Variants in TBXAS1 observed in about 807,000 individuals in gnomAD.
The protein encoded by TBXAS1 is thromboxane A synthase 1, also known as thromboxane-A synthase.
A neutral mutation model predicts 60.7 loss-of-function variants in TBXAS1; 48 were observed. That is an observed-to-expected ratio of 0.79 (90% CI 0.63 to 1.01). TBXAS1 has a LOEUF of 1.01. Among genes scored for constraint, TBXAS1 ranks in the 50% least tolerant of loss-of-function variants. The probability of loss-of-function intolerance (pLI) is 0.00; values close to 1 mark genes in which losing one functional copy is unlikely to be tolerated. For synonymous variants in TBXAS1, 287 were observed against 269.7 expected (o/e 1.06, Z -0.63); for missense variants, 685 against 686.3 (o/e 1.00, Z 0.02).
At chr7:139,903,402 A>G (rs1804730908) in intron 3 of TBXAS1, among the ~76,000 whole-genome samples, 1 of 152,088 alleles carries the variant, frequency 6.6e-6, no homozygotes, top group Admixed American at 6.5e-5. Context: ...GCTGCTATGA[A>G]CATGCCATGC....
intron 4 of TBXAS1, 72 bp downstream of exon 4, chr7:139,911,393 C>A: frequency 7.5e-7 from 1 of 1,326,036 alleles, no homozygotes; most frequent in Non-Finnish European, 1.1e-6. Context: ...ATGTCAGATC[C>A]AATGGGGATG....
chr7:139,842,922 A>G (rs939639284), intron 1 of TBXAS1, among the ~76,000 whole-genome samples: 1 of 152,210 alleles, frequency 6.6e-6, no homozygotes, highest in East Asian at 1.9e-4. Context: ...ACTGTGTCAG[A>G]GATGATCTGA....
rs774018526 is a variant in TBXAS1 at position 139,961,895 on chromosome 7, C to T, written c.820-24C>T. The T allele has an allele frequency of 2.5e-6, 4 of 1,613,954 alleles. No homozygotes were observed. The East Asian group carries it at 8.9e-5, about 36-fold the overall frequency. ...TTCATGACTGTAAGGTCAAAATGTG[C>T]ATTTTTCTCCTTTTGTTCCTTAGAG... is the stretch of plus-strand genomic sequence containing the variant. On this transcript the variant is annotated intron_variant, in intron 8 of 12. Transcript: ENST00000448866.
intron 9 of TBXAS1, among the ~76,000 whole-genome samples, chr7:139,981,315 C>A (rs922714469): frequency 1.3e-5 from 2 of 152,056 alleles, no homozygotes; most frequent in African/African-American, 4.8e-5. Context: ...TGGGTTTCAC[C>A]ATGTTGGCCA....
intron 9 of TBXAS1, among the ~76,000 whole-genome samples, chr7:139,986,785 GTGTGTGTGTGTGTGTATATATATA>G (rs1569522794): frequency 2.4e-4 from 12 of 50,164 alleles, no homozygotes; most frequent in African/African-American, 3.6e-4. Flanking sequence ...GTGTGTGTGT[GTGTGTGTGTGTGTGTATATATATA>G]TATATATACA....
chr7:139,990,661 C>T (rs1812822167), intron 9 of TBXAS1, among the ~76,000 whole-genome samples: 1 of 152,086 alleles, frequency 6.6e-6, no homozygotes, highest in Non-Finnish European at 1.5e-5. Context: ...GCTCTGGTGG[C>T]TTCTTTGCTG....
At chr7:139,964,228 G>A (rs1810605149) in intron 9 of TBXAS1, among the ~76,000 whole-genome samples, 1 of 152,146 alleles carries the variant, frequency 6.6e-6, no homozygotes. Context: ...TGGCATTACA[G>A]ACATTCACCA....
At chr7:139,945,910 C>A (rs910102973) in intron 5 of TBXAS1, among the ~76,000 whole-genome samples, 1 of 152,144 alleles carries the variant, frequency 6.6e-6, no homozygotes, top group African/African-American at 2.4e-5. Flanking sequence ...GCTTCTAAGC[C>A]TCATCACACG....
chr7:139,935,920 A>G (rs1807722624), intron 4 of TBXAS1, among the ~76,000 whole-genome samples: 1 of 152,196 alleles, frequency 6.6e-6, no homozygotes, highest in Non-Finnish European at 1.5e-5. Context: ...CACAGAAGCC[A>G]TTGAGTTGTC....
chr7:139,969,444 T>C (rs113083067), intron 9 of TBXAS1, among the ~76,000 whole-genome samples: 5,001 of 66,442 alleles, frequency 0.075, 131 homozygotes, highest in Non-Finnish European at 0.1. Flanking sequence ...AAAAAAAGCA[T>C]ATTATGTGCT....
intron 5 of TBXAS1, among the ~76,000 whole-genome samples, chr7:139,940,662 AC>A (rs1333535269): frequency 3.9e-5 from 6 of 152,056 alleles, no homozygotes; most frequent in African/African-American, 1.4e-4. Flanking sequence ...TGGAACTATC[AC>A]CAGCTAACAT....
At chr7:139,981,093 T>C (rs55657327) in intron 9 of TBXAS1, among the ~76,000 whole-genome samples, 6,902 of 151,946 alleles carry the variant, frequency 0.045, 223 homozygotes, top group Non-Finnish European at 0.065. Flanking sequence ...ACGGATGGCT[T>C]GTTGTTGTTT....
At chr7:139,821,477 C>G (rs567593040) in intron 4 of TBXAS1, among the ~76,000 whole-genome samples, 1 of 152,296 alleles carries the variant, frequency 6.6e-6, no homozygotes, top group African/African-American at 2.4e-5. Flanking sequence ...AAAATATGGT[C>G]CCTGCCCTCA....
At chr7:139,807,755 C>T (rs763855963) in intron 4 of TBXAS1, among the ~76,000 whole-genome samples, 4 of 152,048 alleles carry the variant, frequency 2.6e-5, no homozygotes, top group Non-Finnish European at 4.4e-5. Context: ...TGGCCTCAAG[C>T]GATCCTCGTG....
chr7:139,988,954 G>T (rs1027356038), intron 9 of TBXAS1, among the ~76,000 whole-genome samples: 12 of 152,296 alleles, frequency 7.9e-5, no homozygotes, highest in East Asian at 5.8e-4. Context: ...GGAGAGGCAG[G>T]TTCACCCAGC....
intron 4 of TBXAS1, among the ~76,000 whole-genome samples, chr7:139,912,100 C>T (rs890999486): frequency 6.6e-6 from 1 of 152,106 alleles, no homozygotes; most frequent in Non-Finnish European, 1.5e-5. Context: ...TGTGGTGGCA[C>T]ACATCTGTAG....
At chr7:139,868,915 AGTG>A (rs1224491228) in intron 1 of TBXAS1, among the ~76,000 whole-genome samples, 1 of 151,894 alleles carries the variant, frequency 6.6e-6, no homozygotes, top group Admixed American at 6.6e-5. Context: ...GGCTCCCCGA[AGTG>A]CTGGGATTAC....
At chr7:139,795,537 A>C (rs1797540867) in intron 4 of TBXAS1, among the ~76,000 whole-genome samples, 1 of 126,408 alleles carries the variant, frequency 7.9e-6, no homozygotes, top group Admixed American at 8.3e-5. Flanking sequence ...CCATTTGTCA[A>C]TTTTGTCTTT....
At position 139,778,562 on chromosome 7, in the gene TBXAS1, G is replaced by C. The variant is rs1796857733; in HGVS notation, c.-318+91G>C. 1 of 152,308 alleles carries C rather than the reference G, an allele frequency of 6.6e-6. No homozygotes were observed. The highest frequency in any genetic ancestry group is 1.5e-5 in the Non-Finnish European group (1 of 68,102). The allele number at this position is 152,308 out of a possible 1,614,324, so 9.4% of individuals were successfully genotyped here. On this transcript the variant is annotated intron_variant, in intron 1 of 16. Coordinates refer to the TBXAS1 transcript ENST00000336425. The surrounding 1 kb of genome is among the most constrained non-coding windows in gnomAD (Gnocchi z 4.8). Reference sequence around the variant, plus strand: ...GGAGGAGCTTCGGAAAGCCACACGAGGTCAGAGGCACCGAAGCCCTGCCGT... The same window carrying C: ...GGAGGAGCTTCGGAAAGCCACACGACGTCAGAGGCACCGAAGCCCTGCCGT...
Sources: gnomAD v4.1 joint callset for allele counts (sites outside exome capture counted in the v4.1 genomes callset) on GRCh38, gnomAD v4.1.1 for gene constraint, Gnocchi (gnomAD v3.1) non-coding constraint, MANE v1.5 for transcripts, NCBI Gene and HGNC (gene_info 2026-07-23, HGNC 2026-07-21) for gene names.